The following ASCC3 variants were observed in gnomAD, a reference collection of about 807,000 sequenced individuals.
ASCC3 encodes ASC-1 complex subunit P200.
In ASCC3, 158 loss-of-function variants were observed where a neutral mutation model predicts 256.3. That is an observed-to-expected ratio of 0.62 (90% CI 0.54 to 0.70). ASCC3 has a LOEUF of 0.70. Ranked by LOEUF, ASCC3 falls within the 30% of genes least tolerant of loss-of-function variation. The pLI is 0.00. For synonymous variants in ASCC3, 948 were observed against 883.4 expected (o/e 1.07, Z -1.30); for missense variants, 2,259 against 2,626.0 (o/e 0.86, Z 3.05).
chr6:100,597,879 C>T (rs1483825964), intron 34 of ASCC3, among the ~76,000 whole-genome samples: 2 of 144,702 alleles, frequency 1.4e-5, no homozygotes, highest in African/African-American at 2.6e-5. Context: ...GAGGCTGAGG[C>T]AGGAGAATGG....
rs769966002 is a variant in ASCC3 at position 100,627,926 on chromosome 6, G to A, written c.4437C>T (p.His1479=). The part of the protein sequence containing the change: ...IVSRTNFISS[H]TEKPVRIVGL... ...CAACTATTCTAACAGGCTTTTCTGT[G>A]TGTGATGAGATAAAATTTGTTCGAG... Residue 1479 remains histidine (H), a synonymous_variant, in exon 28 of 42, where the codon CAC becomes CAT. Coordinates refer to ENST00000369162, the MANE Select transcript of ASCC3 (RefSeq NM_006828.4). 1.9e-6 allele frequency: 3 copies of A among 1,613,416 alleles called. No homozygotes were observed. The highest frequency in any genetic ancestry group is 2.5e-6 in the Non-Finnish European group (3 of 1,179,772).
chr6:100,705,789 A>G (rs7740826), intron 13 of ASCC3, among the ~76,000 whole-genome samples: 75,896 of 151,656 alleles, frequency 0.5, 19,301 homozygotes, highest in South Asian at 0.62. Flanking sequence ...TATTTGAAAA[A>G]TAACAGTTTA....
intron 4 of ASCC3, among the ~76,000 whole-genome samples, chr6:100,812,144 G>A (rs1359414380): frequency 1.3e-5 from 2 of 152,144 alleles, no homozygotes; most frequent in East Asian, 3.8e-4. Flanking sequence ...ATTTAGCAAA[G>A]TGATTTAAAA....
At chr6:100,834,869 G>A (rs1326251994) in intron 4 of ASCC3, among the ~76,000 whole-genome samples, 1 of 152,102 alleles carries the variant, frequency 6.6e-6, no homozygotes, top group Non-Finnish European at 1.5e-5. Flanking sequence ...AGGCATACTA[G>A]TATTAAACTT....
chr6:100,555,927 T>C (rs1166244860), intron 36 of ASCC3, among the ~76,000 whole-genome samples: 2 of 150,766 alleles, frequency 1.3e-5, no homozygotes, highest in Admixed American at 1.3e-4. Context: ...GCCCAGGAGA[T>C]GGAGGCTACA....
intron 4 of ASCC3, among the ~76,000 whole-genome samples, chr6:100,835,042 AC>A: frequency 6.6e-6 from 1 of 152,136 alleles, no homozygotes; most frequent in South Asian, 2.1e-4. Flanking sequence ...GCATCTAAAA[AC>A]CATATAATGC....
chr6:100,774,807 G>A (rs1204999285), intron 8 of ASCC3, among the ~76,000 whole-genome samples: 1 of 152,046 alleles, frequency 6.6e-6, no homozygotes, highest in South Asian at 2.1e-4. Context: ...CCTGGCCCTA[G>A]TTTGTCGTTT....
At chr6:100,666,208 G>A (rs1346583392) in intron 14 of ASCC3, among the ~76,000 whole-genome samples, 1 of 152,108 alleles carries the variant, frequency 6.6e-6, no homozygotes, top group Non-Finnish European at 1.5e-5. Context: ...ATTACAGTCT[G>A]TTAATCGGAC....
intron 4 of ASCC3, among the ~76,000 whole-genome samples, chr6:100,814,423 C>T (rs1248211425): frequency 6.6e-6 from 1 of 151,938 alleles, no homozygotes; most frequent in African/African-American, 2.4e-5. Context: ...TGTGTCTCAG[C>T]CAGGTTTTGG....
At chr6:100,582,705 A>G (rs1771364876) in intron 36 of ASCC3, among the ~76,000 whole-genome samples, 1 of 151,842 alleles carries the variant, frequency 6.6e-6, no homozygotes, top group East Asian at 1.9e-4. Context: ...CCCATTCAGT[A>G]TGATATTGGC....
At chr6:100,569,621 T>A (rs1250120610) in intron 36 of ASCC3, among the ~76,000 whole-genome samples, 1 of 152,088 alleles carries the variant, frequency 6.6e-6, no homozygotes, top group East Asian at 1.9e-4. Context: ...CCTGACCTCG[T>A]GATCCGCCCT....
chr6:100,735,453 CTTATTT>C (rs1426837635), intron 10 of ASCC3, among the ~76,000 whole-genome samples: 3 of 9,288 alleles, frequency 3.2e-4, no homozygotes, highest in South Asian at 0.038. Flanking sequence ...TGTTTAACAT[CTTATTT>C]TTTTTTTTTT....
At chr6:100,617,021 TTGA>T (rs1773698590) in intron 30 of ASCC3, among the ~76,000 whole-genome samples, 1 of 151,906 alleles carries the variant, frequency 6.6e-6, no homozygotes, top group African/African-American at 2.4e-5. Context: ...GTTGTTGTTG[TTGA>T]GACAGAGTCT....
intron 36 of ASCC3, among the ~76,000 whole-genome samples, chr6:100,565,177 AAT>A: frequency 6.6e-6 from 1 of 152,318 alleles, no homozygotes; most frequent in East Asian, 1.9e-4. Context: ...TTTCCAGATG[AAT>A]ATATGCCTAA....
intron 1 of ASCC3, among the ~76,000 whole-genome samples, chr6:100,878,664 C>CA (rs1045329615): frequency 6.6e-6 from 1 of 152,158 alleles, no homozygotes; most frequent in Admixed American, 6.5e-5. Context: ...GTCTGAAAGA[C>CA]AAAATTCTCA....
intron 10 of ASCC3, among the ~76,000 whole-genome samples, chr6:100,727,827 G>A (rs1779711065): frequency 6.6e-6 from 1 of 152,086 alleles, no homozygotes. Context: ...GTGGTTTGGA[G>A]GGGGAGGGGG....
intron 14 of ASCC3, among the ~76,000 whole-genome samples, chr6:100,668,862 G>C (rs1776604314): frequency 6.6e-6 from 1 of 151,818 alleles, no homozygotes; most frequent in Admixed American, 6.6e-5. Flanking sequence ...GATGATTAGA[G>C]ATGACAATAT....
At position 100,800,531 on chromosome 6, in the gene ASCC3, T is replaced by C. The variant is rs1428346087; in HGVS notation, c.923-27A>G. 4.0e-6 allele frequency: 6 copies of C among 1,514,790 alleles called. No homozygotes were observed. The South Asian group carries it at 6.9e-5, about 17-fold the overall frequency. 93.8% of individuals were successfully genotyped at this position (1,514,790 alleles called of 1,614,324 possible). A position where few individuals can be genotyped will look rare whatever the true frequency, so the allele number is the denominator to read the frequency against. ...TAAGAAGCAAATTTAAGAAACACAA[T>C]GTTTTATAAATCTGAATATGATTTA... On this transcript the variant is annotated intron_variant, in intron 5 of 41. Transcript: ENST00000369162.
At chr6:100,578,240 ATCT>A (rs1404845646) in intron 36 of ASCC3, among the ~76,000 whole-genome samples, 1 of 152,182 alleles carries the variant, frequency 6.6e-6, no homozygotes, top group East Asian at 1.9e-4. Context: ...AATTCTGACA[ATCT>A]TCTGCTAATC....
Sources: gnomAD v4.1 joint callset for allele counts (sites outside exome capture counted in the v4.1 genomes callset) on GRCh38, gnomAD v4.1.1 for gene constraint, MANE v1.5 for transcripts, NCBI Gene and HGNC (gene_info 2026-07-23, HGNC 2026-07-21) for gene names.